DLG2: variants seen among roughly 807,000 people sequenced by gnomAD.
The protein encoded by DLG2 is discs large MAGUK scaffold protein 2.
A neutral mutation model predicts 132.5 loss-of-function variants in DLG2; 45 were observed. The ratio of observed to expected loss-of-function variants is 0.34; its 90% CI spans 0.27 to 0.44. The LOEUF (loss-of-function observed/expected upper bound fraction) is 0.44. Ranked by LOEUF, DLG2 falls within the 20% of genes least tolerant of loss-of-function variation. The pLI, the probability that DLG2 is intolerant of heterozygous loss-of-function variation, is 1.00. For missense variants in DLG2, 1,045 were observed against 1,196.9 expected, an observed-to-expected ratio of 0.87 and a Z score of 1.87; for synonymous variants, 424 against 419.6, an observed-to-expected ratio of 1.01 and a Z score of -0.13.
chr11:85,334,073 G>C (rs567562036), intron 3 of DLG2, among the ~76,000 whole-genome samples: 1 of 152,076 alleles, frequency 6.6e-6, no homozygotes, highest in South Asian at 2.1e-4. Context: ...GGCTTTTTCT[G>C]GTTAGTAGGT....
chr11:85,409,525 A>C (rs943521338), intron 3 of DLG2, among the ~76,000 whole-genome samples: 1 of 151,966 alleles, frequency 6.6e-6, no homozygotes, highest in Non-Finnish European at 1.5e-5. Flanking sequence ...ATGGATACAG[A>C]AAAGAAACTG....
intron 8 of DLG2, among the ~76,000 whole-genome samples, chr11:84,237,819 T>C (rs12293692): frequency 0.057 from 8,655 of 151,934 alleles, 781 homozygotes; most frequent in African/African-American, 0.2. Context: ...AGGTGGATCA[T>C]GAGGTCAAGC....
At position 84,618,068 on chromosome 11, in the gene DLG2, C is replaced by T. The variant is rs187527055; in HGVS notation, c.358-83337G>A. 3.0e-3 allele frequency among the ~76,000 whole-genome samples: 450 copies of T among 151,918 alleles called. 1 individual carries two copies. Among genetic ancestry groups the T allele is most frequent in the Non-Finnish European group, 4.7e-3 (318 of 67,946 alleles). ...ACTGAAACTTAAACGCTGAAGTATC[C>T]TGGTAGGTAAATAGTAAAAAGCATC... On this transcript the variant is annotated intron_variant, in intron 6 of 27. Transcript: ENST00000376104.
chr11:83,925,272 G>C (rs1201523767), intron 15 of DLG2, among the ~76,000 whole-genome samples: 1 of 152,056 alleles, frequency 6.6e-6, no homozygotes, highest in Non-Finnish European at 1.5e-5. Context: ...TCTCTGCTTT[G>C]CTTCTGTGTA....
intron 8 of DLG2, among the ~76,000 whole-genome samples, chr11:84,188,458 G>C (rs1365560392): frequency 6.6e-6 from 1 of 152,096 alleles, no homozygotes; most frequent in African/African-American, 2.4e-5. Flanking sequence ...GGCTTAGAGA[G>C]GTTAAGCACA....
chr11:85,376,725 T>C (rs2085432947), intron 3 of DLG2, among the ~76,000 whole-genome samples: 1 of 152,184 alleles, frequency 6.6e-6, no homozygotes, highest in Non-Finnish European at 1.5e-5. Flanking sequence ...AAATCAGATC[T>C]TTGTTTAAAG....
intron 18 of DLG2, among the ~76,000 whole-genome samples, chr11:83,762,223 C>A (rs1222240108): frequency 6.6e-6 from 1 of 152,194 alleles, no homozygotes. Flanking sequence ...ATTCTTTATT[C>A]CCGCCAGTTT....
intron 6 of DLG2, among the ~76,000 whole-genome samples, chr11:84,780,651 G>C (rs538942825): frequency 8.4e-4 from 127 of 151,950 alleles, no homozygotes; most frequent in Non-Finnish European, 1.4e-3. Flanking sequence ...TGTTGTTGTT[G>C]TATCATTCTA....
At chr11:84,016,204 C>T (rs913127013) in intron 11 of DLG2, among the ~76,000 whole-genome samples, 7 of 151,866 alleles carry the variant, frequency 4.6e-5, no homozygotes, top group African/African-American at 1.7e-4. Flanking sequence ...CTGCTCATGT[C>T]CTTTGTCCAC....
At chr11:83,762,737 C>T (rs1021357945) in intron 18 of DLG2, among the ~76,000 whole-genome samples, 6 of 152,078 alleles carry the variant, frequency 3.9e-5, no homozygotes, top group Non-Finnish European at 8.8e-5. Flanking sequence ...CATGCCGCCA[C>T]GCCTGGCTAA....
chr11:84,184,403 G>C (rs1316592204), intron 8 of DLG2, among the ~76,000 whole-genome samples: 3 of 151,508 alleles, frequency 2.0e-5, no homozygotes, highest in African/African-American at 7.3e-5. Context: ...CATATCCTTC[G>C]CCCACTTTTT....
intron 3 of DLG2, among the ~76,000 whole-genome samples, chr11:85,424,285 G>A (rs1231850650): frequency 2.6e-5 from 4 of 152,106 alleles, no homozygotes; most frequent in South Asian, 2.1e-4. Context: ...TACTGCAGGA[G>A]CAATCTTCTT....
intron 7 of DLG2, among the ~76,000 whole-genome samples, chr11:84,256,336 T>G (rs1444202628): frequency 6.6e-6 from 1 of 152,106 alleles, no homozygotes; most frequent in Non-Finnish European, 1.5e-5. Context: ...AGCAAGGTAT[T>G]GGCAGGAAAT....
chr11:83,998,419 G>A (rs1565972649), intron 11 of DLG2, among the ~76,000 whole-genome samples: 1 of 152,148 alleles, frequency 6.6e-6, no homozygotes, highest in East Asian at 1.9e-4. Flanking sequence ...ACTTCGTATA[G>A]TTCCCTGAAG....
chr11:84,998,592 T>C (rs1192993661), intron 6 of DLG2, among the ~76,000 whole-genome samples: 1 of 152,184 alleles, frequency 6.6e-6, no homozygotes, highest in African/African-American at 2.4e-5. Flanking sequence ...CATTTCTAAG[T>C]GGTGGTATCA....
chr11:83,928,387 G>C (rs1457698293), intron 15 of DLG2, among the ~76,000 whole-genome samples: 1 of 152,012 alleles, frequency 6.6e-6, no homozygotes, highest in East Asian at 1.9e-4. Context: ...GAGGTGAACT[G>C]TTATCAGCTA....
intron 6 of DLG2, among the ~76,000 whole-genome samples, chr11:84,587,502 C>T (rs1285208606): frequency 1.3e-5 from 2 of 152,128 alleles, no homozygotes; most frequent in Admixed American, 6.5e-5. Context: ...GTTTTTCTGT[C>T]ATGACTTTAA....
chr11:83,805,839 G>A (rs1302267647), intron 17 of DLG2, among the ~76,000 whole-genome samples: 1 of 152,116 alleles, frequency 6.6e-6, no homozygotes, highest in East Asian at 1.9e-4. Context: ...ACGTTAGAGT[G>A]GATTCTGTCT....
chr11:84,502,558 G>C (rs2154507658), intron 7 of DLG2, among the ~76,000 whole-genome samples: 1 of 150,878 alleles, frequency 6.6e-6, no homozygotes, highest in South Asian at 2.1e-4. Flanking sequence ...ACCATACCTG[G>C]CTAATTTTTT....
Sources: gnomAD v4.1 joint callset for allele counts (sites outside exome capture counted in the v4.1 genomes callset) on GRCh38, gnomAD v4.1.1 for gene constraint, MANE v1.5 for transcripts, NCBI Gene and HGNC (gene_info 2026-07-23, HGNC 2026-07-21) for gene names.